NALF1: variants seen among roughly 807,000 people sequenced by gnomAD.
NALF1 encodes the protein family with sequence similarity 155 member A.
A neutral mutation model predicts 48.4 loss-of-function variants in NALF1; 3 were observed. That is an observed-to-expected ratio of 0.06 (90% CI 0.03 to 0.16). The LOEUF is 0.16. NALF1 is among the 10% of genes least tolerant of loss of function. The pLI, the probability that NALF1 is intolerant of heterozygous loss-of-function variation, is 1.00. For missense variants in NALF1, 526 were observed against 571.5 expected (o/e 0.92, Z 0.81); for synonymous variants, 262 against 245.7 (o/e 1.07, Z -0.62).
Position 107,182,255 on chromosome 13 carries a change from T to TGTGTGTCC in NALF1, c.1088-11470_1088-11469insGGACACAC, listed in dbSNP as rs1555325205. ...GTGTGTGTGTGTGTGTGTGTGTCCG[T>TGTGTGTCC]GTGTGTGTGTGTGTGTGTTGGTTTG... On this transcript the variant is annotated intron_variant, in intron 2 of 2. Transcript: ENST00000375915. Among the ~76,000 whole-genome samples, 340 of 132,576 alleles carry TGTGTGTCC rather than the reference T, an allele frequency of 2.6e-3. 1 individual carries two copies. The highest frequency in any genetic ancestry group is 9.4e-3 in the African/African-American group (322 of 34,344). The allele number at this position is 132,576 out of a possible 152,430, so 87.0% of individuals were successfully genotyped here.
chr13:107,565,384 CAAAAA>C (rs10631309), intron 1 of NALF1, among the ~76,000 whole-genome samples: 2 of 119,474 alleles, frequency 1.7e-5, no homozygotes, highest in Admixed American at 9.2e-5. Context: ...GACCTTATCT[CAAAAA>C]AAAAAAAAAA....
chr13:107,241,074 A>G (rs1268731771), intron 1 of NALF1, among the ~76,000 whole-genome samples: 2 of 149,018 alleles, frequency 1.3e-5, no homozygotes, highest in Non-Finnish European at 3.0e-5. Flanking sequence ...AAAAAAAAAA[A>G]GCCGAACTAC....
chr13:107,700,241 T>C (rs1157058558), intron 1 of NALF1, among the ~76,000 whole-genome samples: 2 of 151,972 alleles, frequency 1.3e-5, no homozygotes, highest in Non-Finnish European at 2.9e-5. Flanking sequence ...TCAAAATTCC[T>C]GGTTAAAAAT....
chr13:107,857,949 C>T (rs1880478224), intron 1 of NALF1, among the ~76,000 whole-genome samples: 1 of 152,158 alleles, frequency 6.6e-6, no homozygotes, highest in Non-Finnish European at 1.5e-5. Flanking sequence ...AAAGACTCTG[C>T]CATATTGAAA....
At position 107,866,258 on chromosome 13, in the gene NALF1, G is replaced by A; in HGVS notation, c.339C>T (p.Ser113=). The A allele has an allele frequency of 1.3e-6, 2 of 1,595,008 alleles. No individual in the cohort carries two copies. The highest frequency in any genetic ancestry group is 8.5e-7 in the Non-Finnish European group (1 of 1,172,708). The change falls in exon 1 of 3, where the codon TCC becomes TCT. Residue 113 remains serine (S), a synonymous_variant. Coordinates refer to ENST00000375915, the MANE Select transcript of NALF1 (RefSeq NM_001080396.3). The surrounding 1 kb of genome is among the most constrained non-coding windows in gnomAD (Gnocchi z 4.4). ...WPALLASMGE[S]SPAAQAHRLL... Reference sequence around the variant, plus strand: ...GTCTGTGTGCCTGGGCGGCGGGCGAGGACTCCCCCATGCTCGCCAGGAGCG... The same window carrying A: ...GTCTGTGTGCCTGGGCGGCGGGCGAAGACTCCCCCATGCTCGCCAGGAGCG...
intron 1 of NALF1, among the ~76,000 whole-genome samples, chr13:107,830,622 T>A (rs1879689428): frequency 6.6e-6 from 1 of 152,214 alleles, no homozygotes; most frequent in Non-Finnish European, 1.5e-5. Context: ...CATGTTTTAA[T>A]CAATTTCGGG....
At chr13:107,472,611 C>T (rs1885118631) in intron 1 of NALF1, among the ~76,000 whole-genome samples, 1 of 152,086 alleles carries the variant, frequency 6.6e-6, no homozygotes, top group South Asian at 2.1e-4. Flanking sequence ...GTTCTGGCCT[C>T]CATCTTTCTC....
intron 1 of NALF1, among the ~76,000 whole-genome samples, chr13:107,618,971 A>G (rs530649862): frequency 6.6e-6 from 1 of 152,202 alleles, no homozygotes; most frequent in Non-Finnish European, 1.5e-5. Flanking sequence ...GATCCTCACT[A>G]TCCAATATCA....
intron 1 of NALF1, among the ~76,000 whole-genome samples, chr13:107,786,591 G>A (rs1878080407): frequency 6.6e-6 from 1 of 151,566 alleles, no homozygotes; most frequent in Non-Finnish European, 1.5e-5. Context: ...AATTAGCTGG[G>A]CGTGGTGGCG....
chr13:107,689,938 T>C lies in NALF1; in HGVS notation c.915+175744A>G, dbSNP rs1881528872. The stretch of plus-strand genomic sequence containing the variant: ...TAACTAGAGCTTAACTTGCACCTTT[T>C]TTATGTAATTACCATTTAACTTTAG... On this transcript the variant is annotated intron_variant, in intron 1 of 2. Transcript: ENST00000375915. Among the ~76,000 whole-genome samples, 3 of 152,324 alleles carry C rather than the reference T, an allele frequency of 2.0e-5. No individual in the cohort carries two copies. The South Asian group carries it at 6.2e-4, about 32-fold the overall frequency.
At chr13:107,536,722 T>C (rs1462184946) in intron 1 of NALF1, among the ~76,000 whole-genome samples, 1 of 152,148 alleles carries the variant, frequency 6.6e-6, no homozygotes, top group African/African-American at 2.4e-5. Flanking sequence ...AGCCATCCCA[T>C]TACTGGGTAT....
chr13:107,502,054 A>G (rs1875542174), intron 1 of NALF1, among the ~76,000 whole-genome samples: 1 of 152,164 alleles, frequency 6.6e-6, no homozygotes, highest in South Asian at 2.1e-4. Context: ...ATCTATATTT[A>G]TTGCTAAGCA....
intron 1 of NALF1, among the ~76,000 whole-genome samples, chr13:107,705,085 A>G (rs1026267449): frequency 6.6e-6 from 1 of 152,218 alleles, no homozygotes; most frequent in Non-Finnish European, 1.5e-5. Context: ...TAAAAAGTAC[A>G]TATATTACTC....
At chr13:107,520,164 G>A (rs552657198) in intron 1 of NALF1, among the ~76,000 whole-genome samples, 2 of 152,100 alleles carry the variant, frequency 1.3e-5, no homozygotes, top group Non-Finnish European at 2.9e-5. Context: ...TTGTTTTTGG[G>A]GGTTCAGAGA....
chr13:107,832,198 T>C (rs1439591499), intron 1 of NALF1, among the ~76,000 whole-genome samples: 5 of 151,952 alleles, frequency 3.3e-5, no homozygotes, highest in Non-Finnish European at 5.9e-5. Context: ...TATTCAATCC[T>C]ATTATTCTAC....
chr13:107,409,593 A>C (rs796935335), intron 1 of NALF1, among the ~76,000 whole-genome samples: 1 of 152,156 alleles, frequency 6.6e-6, no homozygotes, highest in South Asian at 2.1e-4. Flanking sequence ...AAGTAAAAGG[A>C]CATCAGTCGT....
chr13:107,787,569 G>A (rs1195979162), intron 1 of NALF1, among the ~76,000 whole-genome samples: 1 of 152,108 alleles, frequency 6.6e-6, no homozygotes, highest in Admixed American at 6.6e-5. Flanking sequence ...CAATATTTCC[G>A]TGTCTTTTTC....
chr13:107,516,712 T>G (rs1998524), intron 1 of NALF1, among the ~76,000 whole-genome samples: 19,850 of 152,206 alleles, frequency 0.13, 1,416 homozygotes, highest in East Asian at 0.27. Flanking sequence ...GCAATCACAT[T>G]CCAGCTTTCC....
At chr13:107,524,593 T>A (rs1876365000) in intron 1 of NALF1, among the ~76,000 whole-genome samples, 2 of 152,068 alleles carry the variant, frequency 1.3e-5, no homozygotes, top group African/African-American at 4.8e-5. Flanking sequence ...TAAAGCAGAA[T>A]TAGAATACTG....
Sources: gnomAD v4.1 joint callset for allele counts (sites outside exome capture counted in the v4.1 genomes callset) on GRCh38, gnomAD v4.1.1 for gene constraint, Gnocchi (gnomAD v3.1) non-coding constraint, MANE v1.5 for transcripts, NCBI Gene and HGNC (gene_info 2026-07-23, HGNC 2026-07-21) for gene names.